SKIL: variants seen among roughly 807,000 people sequenced by gnomAD.
SKIL encodes ski-like protein.
Under a neutral mutation model 69.6 loss-of-function variants are expected in SKIL, and 20 were observed. The observed-to-expected ratio is 0.29, with a 90% CI of 0.20 to 0.42. The LOEUF is 0.42. SKIL is among the 10% of genes least tolerant of loss of function. The pLI, the probability that SKIL is intolerant of heterozygous loss-of-function variation, is 1.00. For missense variants in SKIL, 745 were observed against 783.1 expected, an observed-to-expected ratio of 0.95 and a Z score of 0.58; for synonymous variants, 310 against 279.9, an observed-to-expected ratio of 1.11 and a Z score of -1.08.
chr3:170,367,758 C>T (rs925352287), intron 2 of SKIL, among the ~76,000 whole-genome samples: 13 of 152,040 alleles, frequency 8.6e-5, no homozygotes, highest in Admixed American at 3.3e-4. Context: ...CGTGAGCCAC[C>T]GTGCCTGGCT....
At chr3:170,368,306 A>G (rs1277928283) in intron 2 of SKIL, among the ~76,000 whole-genome samples, 1 of 152,206 alleles carries the variant, frequency 6.6e-6, no homozygotes, top group Non-Finnish European at 1.5e-5. Context: ...CTAACTTTCT[A>G]AAATTAGTAA....
intron 3 of SKIL, among the ~76,000 whole-genome samples, chr3:170,382,125 A>G (rs112577222): frequency 2.0e-5 from 3 of 152,310 alleles, no homozygotes; most frequent in African/African-American, 4.8e-5. Context: ...TTAAATAAGT[A>G]CATTGGTATT....
chr3:170,390,414 CA>C lies in SKIL; in HGVS notation c.1623del (p.Gln541HisfsTer5). On this transcript the variant is annotated frameshift_variant, in exon 5 of 7. Coordinates refer to ENST00000259119, the MANE Select transcript of SKIL (RefSeq NM_005414.5). LOFTEE classifies it high-confidence loss of function. ...MEEVMRTYLK[Q>X]QEKLNLILQK... ...AGAAGTAATGAGAACTTATTTAAAA[CA>C]ACAGGAAAAACTAAACTTGATTTTG... 1 of 1,612,640 alleles carries C rather than the reference CA, an allele frequency of 6.2e-7. No homozygotes were observed. Among genetic ancestry groups the C allele is most frequent in the South Asian group, 1.1e-5 (1 of 91,038 alleles).
At position 170,360,441 on chromosome 3, in the gene SKIL, A is replaced by G; in HGVS notation, c.110A>G (p.His37Arg). ...GCGAAAAAAATGATAACGGACATTCATGCAAATGGAAAAACGATAAACAAG... is the reference window on the plus strand; with the variant it reads ...GCGAAAAAAATGATAACGGACATTCGTGCAAATGGAAAAACGATAAACAAG... ...PPAKKMITDI[H>R]ANGKTINKVP... The change falls in exon 2 of 7, where the codon CAT becomes CGT. Residue 37 changes from histidine to arginine, a missense_variant. By Grantham distance (29) the His-to-Arg change is conservative. Coordinates refer to ENST00000259119, the MANE Select transcript of SKIL (RefSeq NM_005414.5). 2.5e-6 allele frequency: 4 copies of G among 1,613,966 alleles called. No individual in the cohort carries two copies. Among genetic ancestry groups the G allele is most frequent in the Middle Eastern group, 1.6e-4 (1 of 6,062 alleles).
intron 2 of SKIL, among the ~76,000 whole-genome samples, chr3:170,377,231 G>T (rs10936626): frequency 2.0e-5 from 3 of 151,450 alleles, no homozygotes. Flanking sequence ...GTGATGTTTC[G>T]TTTTCTGTTT....
rs114550811 is a variant in SKIL, at chr3:170,362,364, G to A, written c.1098+935G>A. Among the ~76,000 whole-genome samples, 586 of 149,008 alleles carry A rather than the reference G, an allele frequency of 3.9e-3. 1 individual carries two copies. Among genetic ancestry groups the A allele is most frequent in the African/African-American group, 0.014 (567 of 40,422 alleles). Reference sequence around the variant, plus strand: ...CTAAAAATACAAAAATTAGACGGATGTGGTGTCGCACACTTGTAATCCCAG... The same window carrying A: ...CTAAAAATACAAAAATTAGACGGATATGGTGTCGCACACTTGTAATCCCAG... On this transcript the variant is annotated intron_variant, in intron 2 of 6. Transcript: ENST00000259119.
chr3:170,382,781 T>C (rs1737427703), intron 3 of SKIL, among the ~76,000 whole-genome samples: 1 of 147,314 alleles, frequency 6.8e-6, no homozygotes, highest in African/African-American at 2.5e-5. Flanking sequence ...TGCAATGGTA[T>C]GATCTCGGCT....
chr3:170,369,320 C>A (rs994787150), intron 2 of SKIL, among the ~76,000 whole-genome samples: 1 of 152,116 alleles, frequency 6.6e-6, no homozygotes, highest in African/African-American at 2.4e-5. Context: ...CCTGGATCAT[C>A]ATAGTCAGCC....
chr3:170,380,747 G>C (rs1737302258), intron 2 of SKIL, among the ~76,000 whole-genome samples: 3 of 152,290 alleles, frequency 2.0e-5, no homozygotes, highest in Admixed American at 2.0e-4. Flanking sequence ...AACTGTTCTT[G>C]TGATGGGATA....
At chr3:170,359,338 G>T (rs1247861798) in intron 1 of SKIL, among the ~76,000 whole-genome samples, 1 of 152,230 alleles carries the variant, frequency 6.6e-6, no homozygotes, top group Non-Finnish European at 1.5e-5. Flanking sequence ...GCTCACGCCT[G>T]TAATTCCAGC....
At chr3:170,357,876 C>A (rs1226925591) in intron 1 of SKIL, 113 bp downstream of exon 1, 2 of 153,084 alleles carry the variant, frequency 1.3e-5, no homozygotes, top group South Asian at 1.8e-4. Context: ...TCACAAAGCT[C>A]GTCGAGCTTA....
chr3:170,365,841 C>T (rs61436251), intron 2 of SKIL, among the ~76,000 whole-genome samples: 2 of 149,408 alleles, frequency 1.3e-5, no homozygotes, highest in African/African-American at 2.5e-5. Flanking sequence ...CTGCAACCTC[C>T]GCCTCCTGGA....
chr3:170,377,250 T>G (rs1304852594), intron 2 of SKIL, among the ~76,000 whole-genome samples: 1 of 151,980 alleles, frequency 6.6e-6, no homozygotes, highest in Non-Finnish European at 1.5e-5. Flanking sequence ...TTTCCTTTTT[T>G]TTTTTGAGAT....
chr3:170,373,321 C>G (rs956806268), intron 2 of SKIL, among the ~76,000 whole-genome samples: 2 of 151,980 alleles, frequency 1.3e-5, no homozygotes. Flanking sequence ...CATGAGCCAC[C>G]GTGCCCAGCC....
chr3:170,390,541 C>G, intron 5 of SKIL, 77 bp downstream of exon 5: 1 of 1,146,888 alleles, frequency 8.7e-7, no homozygotes. Flanking sequence ...GGCTGGAGTG[C>G]AGTGGCGCAG....
chr3:170,365,542 A>G (rs548734604), intron 2 of SKIL, among the ~76,000 whole-genome samples: 1 of 152,268 alleles, frequency 6.6e-6, no homozygotes, highest in Non-Finnish European at 1.5e-5. Flanking sequence ...TTTGGTCCCA[A>G]GCATTTCTGA....
chr3:170,380,880 A>G (rs1334060544), intron 2 of SKIL, among the ~76,000 whole-genome samples: 1 of 151,948 alleles, frequency 6.6e-6, no homozygotes, highest in Non-Finnish European at 1.5e-5. Context: ...GCAGTGGTGC[A>G]ATCATGGTTC....
At chr3:170,381,131 G>A in intron 2 of SKIL, 113 bp from the exon 3 acceptor site, 2 of 652,656 alleles carry the variant, frequency 3.1e-6, no homozygotes, top group Non-Finnish European at 5.7e-6. Context: ...GTGGCATGAT[G>A]ACTCTTAAAT....
In SKIL at chr3:170,360,634, G is replaced by A. The variant is rs776450822; in HGVS notation, c.303G>A (p.Leu101=). ...AQFHLSSQSS[L]GGPAAFSARH... is the part of the protein sequence containing the mutation. ...TCCATTTAAGTAGTCAGAGCTCGCT[G>A]GGTGGACCAGCAGCATTTTCTGCTC... is the stretch of plus-strand genomic sequence containing the variant. Residue 101 remains leucine, a synonymous_variant, in exon 2 of 7, where the codon CTG becomes CTA. Transcript: ENST00000259119. The A allele has an allele frequency of 1.9e-6, 3 of 1,614,200 alleles. No individual in the cohort carries two copies. The highest frequency in any genetic ancestry group is 2.5e-6 in the Non-Finnish European group (3 of 1,180,038).
Sources: gnomAD v4.1 joint callset for allele counts (sites outside exome capture counted in the v4.1 genomes callset) on GRCh38, gnomAD v4.1.1 for gene constraint, MANE v1.5 for transcripts, NCBI Gene and HGNC (gene_info 2026-07-23, HGNC 2026-07-21) for gene names.